TRDN: variants seen among roughly 807,000 people sequenced by gnomAD.
The protein encoded by TRDN is triadin.
In TRDN, 161 loss-of-function variants were observed where a neutral mutation model predicts 149.7. The observed-to-expected ratio is 1.08, with a 90% CI of 0.95 to 1.23. TRDN has a LOEUF of 1.23. Among genes scored for constraint, TRDN ranks in the 50% most tolerant of loss-of-function variants. The probability of loss-of-function intolerance (pLI) is 0.00; values close to 1 mark genes in which losing one functional copy is unlikely to be tolerated. For missense variants in TRDN, 896 were observed against 823.5 expected (o/e 1.09, Z -1.08); for synonymous variants, 294 against 250.5 (o/e 1.17, Z -1.64).
chr6:123,332,827 A>C (rs909886342), intron 22 of TRDN, among the ~76,000 whole-genome samples: 2 of 152,074 alleles, frequency 1.3e-5, no homozygotes, highest in African/African-American at 4.8e-5. Flanking sequence ...CCACTCTAGT[A>C]AACACTTAGA....
intron 23 of TRDN, among the ~76,000 whole-genome samples, chr6:123,322,632 T>TTATTATTA (rs1364834364): frequency 2.0e-5 from 3 of 146,508 alleles, no homozygotes; most frequent in African/African-American, 7.4e-5. Context: ...ATTATTATTA[T>TTATTATTA]TATTATTATT....
rs550512628 is a variant in TRDN, at chr6:123,286,919, C to T, written c.1511-7837G>A. On this transcript the variant is annotated intron_variant, in intron 24 of 40. Transcript: ENST00000334268. ...CATTCCAGACCTATCAAATCAGAAA[C>T]TCTGGAGGTGGGGCCCAGGAATTTG... 3.9e-5 allele frequency among the ~76,000 whole-genome samples: 6 copies of T among 152,198 alleles called. No homozygotes were observed. In the East Asian group the frequency reaches 1.2e-3, roughly 29 times the overall value.
At chr6:123,494,034 C>A (rs1040791354) in intron 9 of TRDN, among the ~76,000 whole-genome samples, 1 of 152,140 alleles carries the variant, frequency 6.6e-6, no homozygotes, top group African/African-American at 2.4e-5. Flanking sequence ...TCCTTTTCAA[C>A]TCCTGGACAA....
chr6:123,549,030 A>T (rs1781257667), intron 2 of TRDN, among the ~76,000 whole-genome samples: 1 of 152,066 alleles, frequency 6.6e-6, no homozygotes, highest in African/African-American at 2.4e-5. Context: ...AAGTTCTGCA[A>T]GTTGACTAAG....
chr6:123,267,668 GA>G, intron 32 of TRDN, 38 bp downstream of exon 32: 1 of 1,354,322 alleles, frequency 7.4e-7, no homozygotes, highest in Non-Finnish European at 1.0e-6. Context: ...TAAAAATAGT[GA>G]ACATAAGACA....
intron 12 of TRDN, among the ~76,000 whole-genome samples, chr6:123,414,791 T>C (rs189584643): frequency 3.9e-4 from 59 of 152,234 alleles, no homozygotes; most frequent in African/African-American, 1.4e-3. Context: ...CTTTTGATTA[T>C]TGCTGGAAAA....
In TRDN at chr6:123,272,971, A is replaced by T; in HGVS notation, c.1665T>A (p.Gly555=). The change falls in exon 29 of 41, where the codon GGT becomes GGA. Residue 555 remains glycine, a synonymous_variant. Coordinates refer to ENST00000334268, the MANE Select transcript of TRDN (RefSeq NM_006073.4). Reference sequence around the variant, plus strand: ...ATACCACCTGCAAAATACCTGGTTTACCATGAGAAACAGTCTTTTCTGGTT... The same window carrying T: ...ATACCACCTGCAAAATACCTGGTTTTCCATGAGAAACAGTCTTTTCTGGTT... ...IVKPEKTVSH[G]KPEEKVLKQV... is the part of the protein sequence containing the mutation. 6.5e-7 allele frequency: 1 copy of T among 1,530,494 alleles called. No individual in the cohort carries two copies. Among genetic ancestry groups the T allele is most frequent in the Non-Finnish European group, 8.8e-7 (1 of 1,138,752 alleles). 94.8% of individuals were successfully genotyped at this position (1,530,494 alleles called of 1,614,324 possible).
Position 123,535,021 on chromosome 6 carries a change from A to G in TRDN, c.425-4456T>C, listed in dbSNP as rs78504255. ...CAGATGCTAGTTGGAATCATAAGCC[A>G]TATTTGTAACCGGTAAATCTTAAAA... On this transcript the variant is annotated intron_variant, in intron 4 of 40. Coordinates refer to ENST00000334268, the MANE Select transcript of TRDN (RefSeq NM_006073.4). 7.0e-3 allele frequency among the ~76,000 whole-genome samples: 1,071 copies of G among 152,274 alleles called. 18 individuals are homozygous for G. Among genetic ancestry groups the G allele is most frequent in the African/African-American group, 0.024 (985 of 41,570 alleles).
At chr6:123,357,882 C>T (rs554422306) in intron 20 of TRDN, among the ~76,000 whole-genome samples, 1 of 152,248 alleles carries the variant, frequency 6.6e-6, no homozygotes, top group Admixed American at 6.5e-5. Context: ...CCTTAAAGTG[C>T]TATGTTTTTT....
chr6:123,299,991 C>G (rs1270063606), intron 24 of TRDN, among the ~76,000 whole-genome samples: 2 of 151,964 alleles, frequency 1.3e-5, no homozygotes, highest in African/African-American at 4.8e-5. Context: ...GAAACAGAAT[C>G]CTTTCTAATA....
chr6:123,401,059 G>A (rs1326757886), intron 12 of TRDN, among the ~76,000 whole-genome samples: 1 of 152,140 alleles, frequency 6.6e-6, no homozygotes, highest in African/African-American at 2.4e-5. Context: ...GAGACAAGGT[G>A]TTTGAAAAGC....
intron 21 of TRDN, chr6:123,350,949 T>C: frequency 5.1e-6 from 5 of 985,036 alleles, no homozygotes; most frequent in Non-Finnish European, 6.0e-6. Flanking sequence ...GAGGAGACAT[T>C]ATAAAATTAA....
At chr6:123,558,260 G>A (rs1260903043) in intron 2 of TRDN, among the ~76,000 whole-genome samples, 1 of 151,728 alleles carries the variant, frequency 6.6e-6, no homozygotes, top group Non-Finnish European at 1.5e-5. Context: ...CTTTTCTACA[G>A]ACCCAATGAC....
chr6:123,342,937 G>A (rs557730825), intron 21 of TRDN, among the ~76,000 whole-genome samples: 12 of 152,176 alleles, frequency 7.9e-5, no homozygotes, highest in South Asian at 6.2e-4. Flanking sequence ...TGTTGAATGA[G>A]TTAATAAATT....
intron 5 of TRDN, among the ~76,000 whole-genome samples, chr6:123,521,985 G>T (rs6569348): frequency 0.66 from 99,853 of 152,032 alleles, 33,690 homozygotes; most frequent in East Asian, 0.88. Context: ...AGTAGGTACT[G>T]TGAATAAGTG....
chr6:123,352,717 A>G (rs1278384483), intron 20 of TRDN, 131 bp from the exon 21 acceptor site: 2 of 1,234,770 alleles, frequency 1.6e-6, no homozygotes, highest in Admixed American at 3.3e-5. Flanking sequence ...CTTCTTAAAC[A>G]TTTCTCATTT....
At chr6:123,483,858 A>G (rs1777874449) in intron 9 of TRDN, among the ~76,000 whole-genome samples, 1 of 152,210 alleles carries the variant, frequency 6.6e-6, no homozygotes, top group African/African-American at 2.4e-5. Flanking sequence ...ATGAAGATGT[A>G]AACAGAAAAA....
chr6:123,438,928 C>G lies in TRDN; in HGVS notation c.991+16G>C. On this transcript the variant is annotated intron_variant, in intron 11 of 40. Coordinates refer to ENST00000334268, the MANE Select transcript of TRDN (RefSeq NM_006073.4). ...ACTAATTGATTTATGTGGTACATGGCTTTTAAATTTCCTACCTTTCTTTTT... is the reference window on the plus strand; with the variant it reads ...ACTAATTGATTTATGTGGTACATGGGTTTTAAATTTCCTACCTTTCTTTTT... The G allele has an allele frequency of 1.3e-6, 2 of 1,548,012 alleles. No homozygotes were observed. Among genetic ancestry groups the G allele is most frequent in the Non-Finnish European group, 1.7e-6 (2 of 1,143,890 alleles).
chr6:123,502,435 T>C, intron 8 of TRDN: 1 of 617,580 alleles, frequency 1.6e-6, no homozygotes. Context: ...AAATTAAAAT[T>C]ATCTAAATTT....
Sources: gnomAD v4.1 joint callset for allele counts (sites outside exome capture counted in the v4.1 genomes callset) on GRCh38, gnomAD v4.1.1 for gene constraint, MANE v1.5 for transcripts, NCBI Gene and HGNC (gene_info 2026-07-23, HGNC 2026-07-21) for gene names.